Variants in ABLIM2 observed in about 807,000 individuals in gnomAD.
The protein encoded by ABLIM2 is actin binding LIM protein family member 2.
ABLIM2 carries 53 observed loss-of-function variants against 97.7 expected under a neutral mutation model. The ratio of observed to expected loss-of-function variants is 0.54; its 90% confidence interval spans 0.44 to 0.68. ABLIM2 has a LOEUF of 0.68. Ranked by LOEUF, ABLIM2 falls within the 30% of genes least tolerant of loss-of-function variation. The pLI, the probability that ABLIM2 is intolerant of heterozygous loss-of-function variation, is 0.00. For synonymous variants in ABLIM2, 361 were observed against 345.8 expected (o/e 1.04, Z -0.49); for missense variants, 835 against 867.2 (o/e 0.96, Z 0.47).
chr4:8,157,017 G>A (rs954407434), intron 1 of ABLIM2, among the ~76,000 whole-genome samples: 1 of 152,168 alleles, frequency 6.6e-6, no homozygotes, highest in African/African-American at 2.4e-5. Flanking sequence ...CCAAACTACC[G>A]AGGGCCTCCC....
chr4:8,137,475 G>A (rs995792857), intron 1 of ABLIM2, among the ~76,000 whole-genome samples: 6 of 152,220 alleles, frequency 3.9e-5, no homozygotes, highest in African/African-American at 1.4e-4. Context: ...GGGCAGGGGA[G>A]CGGGGGCGTC....
At chr4:8,057,125 G>A (rs1799804409) in intron 7 of ABLIM2, among the ~76,000 whole-genome samples, 1 of 120,548 alleles carries the variant, frequency 8.3e-6, no homozygotes, top group Non-Finnish European at 1.6e-5. Context: ...TTAAGACAAA[G>A]TCTCACTCTG....
Position 8,023,968 on chromosome 4 carries a change from G to A in ABLIM2, c.1268-3665C>T, listed in dbSNP as rs1775667050. On this transcript the variant is annotated intron_variant, in intron 12 of 20. Coordinates refer to ENST00000447017, the MANE Select transcript of ABLIM2 (RefSeq NM_001130083.2). This position sits in a 1 kb window ranked among gnomAD's most constrained non-coding sequence, Gnocchi z 5.7. ...TGGTGGCCACGGGCAGGCCAGGTAG[G>A]ATGATGCCCATGCTGCAATGCACAG... Among the ~76,000 whole-genome samples the A allele has an allele frequency of 6.6e-6, 1 of 152,188 alleles. No individual in the cohort carries two copies. Among genetic ancestry groups the A allele is most frequent in the African/African-American group, 2.4e-5 (1 of 41,462 alleles).
rs13152013 is a variant in ABLIM2, at chr4:8,120,734, G to C, written c.11-14097C>G. ...GTCCGTCCTGATGAACCCGGGGCAA[G>C]CTCGTGACATCACTAAGTTGAGACT... On this transcript the variant is annotated intron_variant, in intron 1 of 20. Transcript: ENST00000447017. This position sits in a 1 kb window ranked among gnomAD's most constrained non-coding sequence, Gnocchi z 5.6. Among the ~76,000 whole-genome samples the C allele has an allele frequency of 0.15, 22,559 of 152,198 alleles. 1,958 individuals are homozygous for C. The highest frequency in any genetic ancestry group is 0.29 in the South Asian group (1,412 of 4,818).
chr4:8,097,203 G>C lies in ABLIM2; in HGVS notation c.234C>G (p.Leu78=), dbSNP rs754169809. 1.9e-6 allele frequency: 3 copies of C among 1,593,378 alleles called. No individual in the cohort carries two copies. The African/African-American group carries it at 4.0e-5, about 21-fold the overall frequency. Residue 78 remains leucine (L), a synonymous_variant, in exon 3 of 21, where the codon CTC becomes CTG. Coordinates refer to ENST00000447017, the MANE Select transcript of ABLIM2 (RefSeq NM_001130083.2). ...CGCAGCTGAAGCAGCGGGTGCCGTA[G>C]AGCCTCTGGTAGTCCAGCGTGCAGA... ...EYICTLDYQR[L]YGTRCFSCDQ...
intron 16 of ABLIM2, among the ~76,000 whole-genome samples, chr4:8,006,308 G>A (rs73796392): frequency 0.031 from 4,662 of 152,302 alleles, 221 homozygotes; most frequent in African/African-American, 0.1. Flanking sequence ...CCACAGGCAG[G>A]CCACAAACGT....
rs750105884 is a variant in ABLIM2, at chr4:8,021,991, C to A, written c.1268-1688G>T. The stretch of plus-strand genomic sequence containing the variant: ...CAGGATGCTCCACGGTGGACTCCTG[C>A]ACCTCCTGGTGGCAGCAGGGGCCTC... On this transcript the variant is annotated intron_variant, in intron 12 of 20. Coordinates refer to ENST00000447017, the MANE Select transcript of ABLIM2 (RefSeq NM_001130083.2). The surrounding 1 kb of genome is among the most constrained non-coding windows in gnomAD (Gnocchi z 5.5). Among the ~76,000 whole-genome samples the A allele has an allele frequency of 1.3e-5, 2 of 152,162 alleles. No individual in the cohort carries two copies. The highest frequency in any genetic ancestry group is 6.5e-5 in the Admixed American group (1 of 15,286).
At position 7,984,845 on chromosome 4, in the gene ABLIM2, T is replaced by G. The variant is rs769629503; in HGVS notation, c.1729A>C (p.Met577Leu). The G allele has an allele frequency of 1.2e-6, 2 of 1,603,590 alleles. No individual in the cohort carries two copies. The highest frequency in any genetic ancestry group is 3.4e-5 in the Admixed American group (2 of 58,538). Residue 577 changes from methionine (M) to leucine (L), a missense_variant, in exon 18 of 21, where the codon ATG becomes CTG. Met to Leu is a conservative substitution (Grantham distance 15). Coordinates refer to ENST00000447017, the MANE Select transcript of ABLIM2 (RefSeq NM_001130083.2). ...CGADPDASWG[M>L]REYKIYPYDS... ...GGGTCCCCGCTCTGTGTACCTCGCA[T>G]GCCCCAGCTGGCATCCGGGTCTGCT...
intron 20 of ABLIM2, among the ~76,000 whole-genome samples, chr4:7,968,759 C>T (rs1205033010): frequency 1.3e-5 from 2 of 151,932 alleles, no homozygotes; most frequent in East Asian, 1.9e-4. Context: ...TGGAATGTTC[C>T]GGAGTTGGAA....
At chr4:8,008,985 C>T in intron 15 of ABLIM2, 65 bp downstream of exon 15, 1 of 1,572,710 alleles carries the variant, frequency 6.4e-7, no homozygotes, top group Non-Finnish European at 8.8e-7. Context: ...ATCGGAGAAG[C>T]CCTCACAAAA....
Position 7,986,065 on chromosome 4 carries a change from T to C in ABLIM2, c.1681-1172A>G, listed in dbSNP as rs1167503173. ...ACGGAGCCTGTTGAAGAAAATGTCTTATTCACGCTTCGTTCCCCAGCACCT... is the reference window on the plus strand; with the variant it reads ...ACGGAGCCTGTTGAAGAAAATGTCTCATTCACGCTTCGTTCCCCAGCACCT... On this transcript the variant is annotated intron_variant, in intron 17 of 20. Transcript: ENST00000447017. This position sits in a 1 kb window ranked among gnomAD's most constrained non-coding sequence, Gnocchi z 4.3. Among the ~76,000 whole-genome samples the C allele has an allele frequency of 6.6e-6, 1 of 152,208 alleles. No individual in the cohort carries two copies. The highest frequency in any genetic ancestry group is 1.9e-4 in the East Asian group (1 of 5,190).
At position 8,095,078 on chromosome 4, in the gene ABLIM2, C is replaced by T. The variant is rs1235215834; in HGVS notation, c.338+2021G>A. 1.4e-5 allele frequency among the ~76,000 whole-genome samples: 2 copies of T among 137,948 alleles called. No individual in the cohort carries two copies. The highest frequency in any genetic ancestry group is 5.2e-5 in the African/African-American group (2 of 38,752). The allele number at this position is 137,948 out of a possible 152,430, so 90.5% of individuals were successfully genotyped here. Reference sequence around the variant, plus strand: ...TTTCTTTCTCTTTCTTTCTTTCTCTCTCTCTCTCTTTCTTTCTTTCTCTTT... The same window carrying T: ...TTTCTTTCTCTTTCTTTCTTTCTCTTTCTCTCTCTTTCTTTCTTTCTCTTT... On this transcript the variant is annotated intron_variant, in intron 3 of 20. Transcript: ENST00000447017. The surrounding 1 kb of genome is among the most constrained non-coding windows in gnomAD (Gnocchi z 4.7).
At chr4:7,985,289 C>T (rs927355924) in intron 17 of ABLIM2, among the ~76,000 whole-genome samples, 3 of 152,192 alleles carry the variant, frequency 2.0e-5, no homozygotes, top group African/African-American at 7.2e-5. Flanking sequence ...AGGCACAGCG[C>T]TCTGCGGTTC....
rs35434586 is a variant in ABLIM2 at position 7,996,420 on chromosome 4, C to T, written c.1619-3493G>A. Among the ~76,000 whole-genome samples, 14,841 of 152,202 alleles carry T rather than the reference C, an allele frequency of 0.098. 781 individuals are homozygous for T. The highest frequency in any genetic ancestry group is 0.13 in the Non-Finnish European group (8,702 of 67,988). On this transcript the variant is annotated intron_variant, in intron 16 of 20. Coordinates refer to ENST00000447017, the MANE Select transcript of ABLIM2 (RefSeq NM_001130083.2). The surrounding 1 kb of genome is among the most constrained non-coding windows in gnomAD (Gnocchi z 4.5). Reference sequence around the variant, plus strand: ...GCCAGGTTCCCAGTGCCCAGGCTGCCGCCGACCGGTCTCAACTTTTAACCA... The same window carrying T: ...GCCAGGTTCCCAGTGCCCAGGCTGCTGCCGACCGGTCTCAACTTTTAACCA...
In ABLIM2 at chr4:8,018,541, T is replaced by C. The variant is rs559285782; in HGVS notation, c.1423+1077A>G. 7.9e-5 allele frequency among the ~76,000 whole-genome samples: 12 copies of C among 152,308 alleles called. No homozygotes were observed. The East Asian group carries it at 1.9e-3, about 24-fold the overall frequency. On this transcript the variant is annotated intron_variant, in intron 14 of 20. Transcript: ENST00000447017. ...CCATCATTTCTGGAAACTCAAGACA[T>C]TTCATTCACTTTTTTCCTTCTTGGA...
chr4:8,109,056 G>T (rs187439328), intron 1 of ABLIM2, among the ~76,000 whole-genome samples: 1 of 152,226 alleles, frequency 6.6e-6, no homozygotes, highest in East Asian at 1.9e-4. Context: ...AGGAAACCCC[G>T]CGTAGCATGT....
At position 8,072,808 on chromosome 4, in the gene ABLIM2, A is replaced by C. The variant is rs1813182543; in HGVS notation, c.675+4820T>G. On this transcript the variant is annotated intron_variant, in intron 6 of 20. Transcript: ENST00000447017. This position sits in a 1 kb window ranked among gnomAD's most constrained non-coding sequence, Gnocchi z 5.8. ...GGCTGAGCATCAGAGCCACCAGCGC[A>C]TAAGAGGAGCAGGGTCAGGGACAGC... Among the ~76,000 whole-genome samples, 1 of 152,152 alleles carries C rather than the reference A, an allele frequency of 6.6e-6. No individual in the cohort carries two copies. The highest frequency in any genetic ancestry group is 1.5e-5 in the Non-Finnish European group (1 of 68,036).
At chr4:8,126,405 G>T (rs1053384062) in intron 1 of ABLIM2, among the ~76,000 whole-genome samples, 8 of 151,848 alleles carry the variant, frequency 5.3e-5, no homozygotes, top group African/African-American at 1.9e-4. Context: ...AGGGGTCTGG[G>T]CTGCCTCCCC....
rs1036175495 is a variant in ABLIM2 at position 8,067,026 on chromosome 4, G to T, written c.676-5972C>A. 1.1e-4 allele frequency: 17 copies of T among 152,220 alleles called. No individual in the cohort carries two copies. Among genetic ancestry groups the T allele is most frequent in the African/African-American group, 4.1e-4 (17 of 41,432 alleles). The allele number at this position is 152,220 out of a possible 1,614,324, so 9.4% of individuals were successfully genotyped here. ...AAGTTCATCCTCACAGCAGCCCCTTGGGGTGAACACTCTTGTCTATCCTTG... is the reference window on the plus strand; with the variant it reads ...AAGTTCATCCTCACAGCAGCCCCTTTGGGTGAACACTCTTGTCTATCCTTG... On this transcript the variant is annotated intron_variant, in intron 6 of 20. Transcript: ENST00000447017. This position sits in a 1 kb window ranked among gnomAD's most constrained non-coding sequence, Gnocchi z 5.4.
Sources: allele counts gnomAD v4.1 joint callset (sites outside exome capture counted in the v4.1 genomes callset), GRCh38; gene constraint gnomAD v4.1.1; non-coding constraint Gnocchi (gnomAD v3.1); transcripts MANE v1.5; gene names NCBI Gene and HGNC (gene_info 2026-07-23, HGNC 2026-07-21).